The following DCDC1 variants were observed in gnomAD, a reference collection of about 807,000 sequenced individuals.
The protein encoded by DCDC1 is doublecortin domain-containing protein 1.
DCDC1 carries 200 observed loss-of-function variants against 178.3 expected under a neutral mutation model. That is an observed-to-expected ratio of 1.12 (90% confidence interval 1.00 to 1.26). The LOEUF (loss-of-function observed/expected upper bound fraction) is 1.26. Among genes scored for constraint, DCDC1 ranks in the 50% most tolerant of loss-of-function variants. The pLI is 0.00. For synonymous variants in DCDC1, 690 were observed against 604.8 expected (o/e 1.14, Z -2.07); for missense variants, 1,983 against 1,749.2 (o/e 1.13, Z -2.38).
intron 9 of DCDC1, among the ~76,000 whole-genome samples, chr11:31,237,064 A>G (rs1000837431): frequency 1.3e-5 from 2 of 151,910 alleles, no homozygotes; most frequent in African/African-American, 2.4e-5. Context: ...TATGCAATAA[A>G]CAAATTTTGT....
intron 8 of DCDC1, among the ~76,000 whole-genome samples, chr11:31,249,264 A>G (rs1358650528): frequency 1.3e-5 from 2 of 152,196 alleles, no homozygotes; most frequent in East Asian, 1.9e-4. Context: ...AGAGTCTACA[A>G]ATAAATTAGA....
At chr11:31,331,583 G>T (rs1565620241) in intron 2 of DCDC1, among the ~76,000 whole-genome samples, 1 of 152,100 alleles carries the variant, frequency 6.6e-6, no homozygotes, top group Non-Finnish European at 1.5e-5. Flanking sequence ...TGAGTTTTTA[G>T]CACAAAGGAC....
intron 9 of DCDC1, among the ~76,000 whole-genome samples, chr11:31,195,784 G>A (rs534476686): frequency 5.8e-4 from 87 of 150,988 alleles, no homozygotes; most frequent in African/African-American, 1.7e-3. Context: ...TTTTACCTTC[G>A]TGTACCTCGT....
At chr11:31,121,575 A>G (rs910823772) in intron 11 of DCDC1, among the ~76,000 whole-genome samples, 5 of 151,436 alleles carry the variant, frequency 3.3e-5, no homozygotes, top group Non-Finnish European at 7.4e-5. Context: ...TCACTGATCA[A>G]TGCAAGACGT....
chr11:31,235,575 G>T (rs993308338), intron 9 of DCDC1, among the ~76,000 whole-genome samples: 3 of 151,782 alleles, frequency 2.0e-5, no homozygotes, highest in African/African-American at 7.3e-5. Flanking sequence ...CATTCAAAAA[G>T]TATTATAAAA....
chr11:31,002,295 T>C (rs1259010950), intron 20 of DCDC1, among the ~76,000 whole-genome samples: 3 of 152,234 alleles, frequency 2.0e-5, no homozygotes, highest in African/African-American at 7.2e-5. Context: ...ATGATTCCTA[T>C]CAAAGCATAA....
chr11:30,973,232 C>T (rs1192285279), intron 20 of DCDC1, among the ~76,000 whole-genome samples: 1 of 148,166 alleles, frequency 6.7e-6, no homozygotes, highest in African/African-American at 2.5e-5. Context: ...CAAGATGGCA[C>T]CACTGCACTC....
At chr11:30,925,177 C>G in intron 23 of DCDC1, 132 bp downstream of exon 23, 1 of 763,778 alleles carries the variant, frequency 1.3e-6, no homozygotes, top group East Asian at 2.6e-5. Context: ...CTGATGTTTG[C>G]TCAGTTAGGA....
intron 1 of DCDC1, among the ~76,000 whole-genome samples, chr11:31,361,428 G>A (rs1244475814): frequency 2.0e-5 from 3 of 152,156 alleles, no homozygotes; most frequent in Non-Finnish European, 4.4e-5. Flanking sequence ...CCTATCTTTA[G>A]AGAGACAGTA....
intron 20 of DCDC1, among the ~76,000 whole-genome samples, chr11:31,052,190 A>C (rs1565223951): frequency 6.6e-6 from 1 of 152,170 alleles, no homozygotes; most frequent in Non-Finnish European, 1.5e-5. Context: ...CAAAAGTGAG[A>C]AGGGGTAGCT....
chr11:31,307,336 C>A, intron 4 of DCDC1: 1 of 275,534 alleles, frequency 3.6e-6, no homozygotes, highest in African/African-American at 2.2e-5. Context: ...CAAAAGAAAG[C>A]ATTTTTATTT....
intron 7 of DCDC1, among the ~76,000 whole-genome samples, chr11:31,281,581 T>C (rs528177238): frequency 3.3e-5 from 5 of 152,250 alleles, no homozygotes; most frequent in South Asian, 2.1e-4. Flanking sequence ...CCAACTGATA[T>C]GGTTTGGCTC....
intron 10 of DCDC1, among the ~76,000 whole-genome samples, chr11:31,137,105 A>G (rs1963224509): frequency 6.6e-6 from 1 of 152,162 alleles, no homozygotes; most frequent in African/African-American, 2.4e-5. Context: ...TCCAGTTTCA[A>G]ATTGCATGTA....
At chr11:30,921,277 A>C (rs1367876037) in intron 24 of DCDC1, among the ~76,000 whole-genome samples, 1 of 152,188 alleles carries the variant, frequency 6.6e-6, no homozygotes, top group Non-Finnish European at 1.5e-5. Flanking sequence ...GTCCCAGAGA[A>C]AGCCTTGAAT....
intron 38 of DCDC1, among the ~76,000 whole-genome samples, chr11:30,865,791 C>G (rs755626260): frequency 1.2e-4 from 18 of 151,554 alleles, no homozygotes; most frequent in Non-Finnish European, 2.1e-4. Flanking sequence ...TATCAGACAT[C>G]AGTGTTAGTA....
In DCDC1 at chr11:31,307,641, C is replaced by A; in HGVS notation, c.432G>T (p.Leu144=). Residue 144 remains leucine, a splice_region_variant and synonymous_variant, in exon 4 of 39, where the codon CTG becomes CTT. Transcript: ENST00000684477. ...NRPVSAPVGQ[L]RVAEFSSLKF... The stretch of plus-strand genomic sequence containing the variant: ...GAACAGAGAACAGCTTTGATTACCT[C>A]AGTTGACCCACTGGAGCACTGACAG... 6.2e-7 allele frequency: 1 copy of A among 1,613,908 alleles called. No homozygotes were observed. Among genetic ancestry groups the A allele is most frequent in the South Asian group, 1.1e-5 (1 of 91,070 alleles).
At position 31,298,355 on chromosome 11, in the gene DCDC1, C is replaced by A. The variant is rs575865528; in HGVS notation, c.754+7260G>T. On this transcript the variant is annotated intron_variant, in intron 6 of 38. Coordinates refer to ENST00000684477, the MANE Select transcript of DCDC1 (RefSeq NM_001387274.1). ...GGTTTTCAAAGCAATCAGACCTAGA[C>A]CTGTCCCAGTCTTCCTCTCCTCAGG... Among the ~76,000 whole-genome samples, 16 of 152,292 alleles carry A rather than the reference C, an allele frequency of 1.1e-4. No individual in the cohort carries two copies. The South Asian group carries it at 2.7e-3, about 26-fold the overall frequency.
chr11:31,066,660 C>T (rs969170114), intron 18 of DCDC1, among the ~76,000 whole-genome samples: 6 of 152,060 alleles, frequency 3.9e-5, no homozygotes, highest in African/African-American at 1.4e-4. Context: ...ACATAAGAGT[C>T]GATCTGAAAA....
At chr11:31,010,358 G>A (rs531101640) in intron 20 of DCDC1, among the ~76,000 whole-genome samples, 54 of 152,344 alleles carry the variant, frequency 3.5e-4, no homozygotes, top group Admixed American at 3.0e-3. Context: ...TCACTTCCCT[G>A]CAGCTGCATG....
Sources: gnomAD v4.1 joint callset for allele counts (sites outside exome capture counted in the v4.1 genomes callset) on GRCh38, gnomAD v4.1.1 for gene constraint, MANE v1.5 for transcripts, NCBI Gene and HGNC (gene_info 2026-07-23, HGNC 2026-07-21) for gene names.